XDH: variants seen among roughly 807,000 people sequenced by gnomAD.
The protein encoded by XDH is xanthine dehydrogenase/oxidase.
Under a neutral mutation model 156.1 loss-of-function variants are expected in XDH, and 138 were observed. The observed-to-expected ratio is 0.88, with a 90% CI of 0.77 to 1.02. The LOEUF is 1.02. Among genes scored for constraint, XDH ranks in the 50% least tolerant of loss-of-function variants. XDH has a pLI of 0.00. For synonymous variants in XDH, 669 were observed against 625.7 expected (o/e 1.07, Z -1.03); for missense variants, 1,849 against 1,684.9 (o/e 1.10, Z -1.71).
chr2:31,396,447 C>T (rs975212927), intron 6 of XDH, among the ~76,000 whole-genome samples: 2 of 152,148 alleles, frequency 1.3e-5, no homozygotes, highest in Non-Finnish European at 2.9e-5. Context: ...AAGAAATATA[C>T]CAGCTTCATA....
Position 31,336,290 on chromosome 2 carries a change from A to G in XDH, c.3952-282T>C, listed in dbSNP as rs1684969279. ...ATCCCTTTTGAAACTCACAGTCCTT[A>G]AAAAGTTCATAGAATCAGCTGCTCA... On this transcript the variant is annotated intron_variant, in intron 35 of 35. Coordinates refer to ENST00000379416, the MANE Select transcript of XDH (RefSeq NM_000379.4). Among the ~76,000 whole-genome samples the G allele has an allele frequency of 1.3e-5, 2 of 152,224 alleles. 1 individual carries two copies. The highest frequency in any genetic ancestry group is 4.1e-4 in the South Asian group (2 of 4,836).
chr2:31,343,306 A>ATATATATATATATATATGCATGTT (rs1685178086), intron 31 of XDH, among the ~76,000 whole-genome samples: 5 of 107,154 alleles, frequency 4.7e-5, no homozygotes, highest in African/African-American at 1.8e-4. Flanking sequence ...ATATATATAT[A>ATATATATATATATATATGCATGTT]TATATATATA....
At position 31,368,595 on chromosome 2, in the gene XDH, A is replaced by G. The variant is rs762264824; in HGVS notation, c.2046T>C (p.Ala682=). Residue 682 remains alanine, a synonymous_variant, in exon 19 of 36, where the codon GCT becomes GCC. Coordinates refer to ENST00000379416, the MANE Select transcript of XDH (RefSeq NM_000379.4). ...VADTPEHTQR[A]AQGVKITYEE... ...CATAGGTGATTTTCACCCCTTGGGC[A>G]GCTCTCTGTGTGTGTTCCGGGGTGT... 6.2e-7 allele frequency: 1 copy of G among 1,614,220 alleles called. No individual in the cohort carries two copies.
At position 31,403,109 on chromosome 2, in the gene XDH, C is replaced by G. The variant is rs758425792; in HGVS notation, c.136G>C (p.Gly46Arg). ...ATCACTGTGCAAGCCCCGCAGCCCC[C>G]CTCTCCACAGCCGAGCTTGGTTCCA... is the stretch of plus-strand genomic sequence containing the variant. ...LSGTKLGCGE[G>R]GCGACTVMLS... The change falls in exon 3 of 36, where the codon GGG becomes CGG. Residue 46 changes from glycine to arginine, a missense_variant. By Grantham distance (125) the Gly-to-Arg change is moderately radical. Coordinates refer to ENST00000379416, the MANE Select transcript of XDH (RefSeq NM_000379.4). 2.5e-5 allele frequency: 40 copies of G among 1,614,184 alleles called. No individual in the cohort carries two copies. Among genetic ancestry groups the G allele is most frequent in the Non-Finnish European group, 3.1e-5 (37 of 1,180,032 alleles).
At position 31,383,162 on chromosome 2, in the gene XDH, C is replaced by T. The variant is rs1686484980; in HGVS notation, c.887-10G>A. On this transcript the variant is annotated splice_polypyrimidine_tract_variant and intron_variant, in intron 10 of 35. Transcript: ENST00000379416. ...GCTCCAAAGGAGATACCTGGGAACG[C>T]ACGTTCGGAATCACAGCAATTCTTC... 1 of 1,614,048 alleles carries T rather than the reference C, an allele frequency of 6.2e-7. No individual in the cohort carries two copies. The highest frequency in any genetic ancestry group is 1.7e-5 in the Admixed American group (1 of 60,002).
intron 5 of XDH, among the ~76,000 whole-genome samples, chr2:31,398,366 AC>A (rs923582616): frequency 1.3e-5 from 2 of 152,116 alleles, no homozygotes; most frequent in African/African-American, 4.8e-5. Context: ...AAGGCAGGAG[AC>A]CCCAGGAGGT....
chr2:31,402,911 T>C (rs1687099732), intron 3 of XDH, 137 bp downstream of exon 3: 1 of 908,764 alleles, frequency 1.1e-6, no homozygotes, highest in African/African-American at 1.6e-5. Context: ...ACAGTTTTCC[T>C]GTGCACAGAT....
intron 24 of XDH, among the ~76,000 whole-genome samples, chr2:31,363,799 G>A (rs1287608526): frequency 2.0e-5 from 3 of 151,768 alleles, no homozygotes; most frequent in South Asian, 2.1e-4. Flanking sequence ...ACTTTTCCAC[G>A]CATGCTATAT....
At chr2:31,370,505 C>T (rs1170196260) in intron 17 of XDH, 27 bp from the exon 18 acceptor site, 2 of 1,613,736 alleles carry the variant, frequency 1.2e-6, no homozygotes, top group South Asian at 1.1e-5. Context: ...TGTGAGGGGC[C>T]AGGTCAGCAA....
chr2:31,404,317 G>A (rs1356326055), intron 2 of XDH, among the ~76,000 whole-genome samples: 1 of 152,168 alleles, frequency 6.6e-6, no homozygotes, highest in Non-Finnish European at 1.5e-5. Flanking sequence ...GACGAATGGT[G>A]GCACCTGAAG....
chr2:31,412,591 C>T (rs914770352), intron 1 of XDH, among the ~76,000 whole-genome samples: 6 of 152,014 alleles, frequency 3.9e-5, no homozygotes, highest in Non-Finnish European at 8.8e-5. Flanking sequence ...TGTAACAAGC[C>T]TGCACGTTGT....
At chr2:31,370,257 T>C in intron 18 of XDH, 98 bp downstream of exon 18, 1 of 1,411,022 alleles carries the variant, frequency 7.1e-7, no homozygotes. Context: ...TCCATGCAAA[T>C]GTATAACCTT....
intron 9 of XDH, 95 bp downstream of exon 9, chr2:31,386,319 G>A: frequency 9.7e-6 from 15 of 1,540,682 alleles, no homozygotes; most frequent in Non-Finnish European, 1.3e-5. Context: ...GGGTGCAGAG[G>A]CAAGTAAAGT....
At chr2:31,375,673 T>C (rs1686226848) in intron 14 of XDH, 119 bp from the exon 15 acceptor site, 4 of 1,193,658 alleles carry the variant, frequency 3.4e-6, no homozygotes, top group Non-Finnish European at 4.7e-6. Context: ...TTGGCTTGGA[T>C]ACTTAGAGTT....
Position 31,414,640 on chromosome 2 carries a change from A to T in XDH, c.27T>A (p.Phe9Leu). The change falls in exon 1 of 36, where the codon TTT becomes TTA. Residue 9 changes from phenylalanine to leucine, a missense_variant. By Grantham distance (22) the Phe-to-Leu change is conservative (BLOSUM62 0). Transcript: ENST00000379416. ...TCCTACTTACCTTTCTGCCATTCAC[A>T]AAGAAAACCAATTTGTCTGCTGTCA... MTADKLVF[F>L]VNGRKVVEKN... The T allele has an allele frequency of 6.2e-7, 1 of 1,614,128 alleles. No individual in the cohort carries two copies. The highest frequency in any genetic ancestry group is 8.5e-7 in the Non-Finnish European group (1 of 1,179,998).
intron 12 of XDH, among the ~76,000 whole-genome samples, chr2:31,381,128 TG>T (rs1323067301): frequency 6.6e-6 from 1 of 152,108 alleles, no homozygotes. Flanking sequence ...CTCAAGGAAC[TG>T]GGACTAAAGG....
intron 1 of XDH, among the ~76,000 whole-genome samples, chr2:31,406,641 T>A (rs990261713): frequency 6.6e-6 from 1 of 152,218 alleles, no homozygotes; most frequent in African/African-American, 2.4e-5. Context: ...GCATTGCACC[T>A]TCCACGCTGG....
chr2:31,376,980 G>T, intron 14 of XDH, 73 bp downstream of exon 14: 1 of 1,552,714 alleles, frequency 6.4e-7, no homozygotes, highest in Non-Finnish European at 8.9e-7. Flanking sequence ...AGTCATAGTA[G>T]CAGCAGCAGT....
chr2:31,375,352 A>G, intron 15 of XDH, 28 bp downstream of exon 15: 1 of 1,614,062 alleles, frequency 6.2e-7, no homozygotes, highest in Non-Finnish European at 8.5e-7. Flanking sequence ...TGCTACAGAG[A>G]GCCTGTGCCT....
Sources: gnomAD v4.1 joint callset for allele counts (sites outside exome capture counted in the v4.1 genomes callset) on GRCh38, gnomAD v4.1.1 for gene constraint, MANE v1.5 for transcripts, NCBI Gene and HGNC (gene_info 2026-07-23, HGNC 2026-07-21) for gene names.